Variants in GBF1 observed in about 807,000 individuals in gnomAD.
GBF1 encodes the protein golgi brefeldin A resistant guanine nucleotide exchange factor 1.
GBF1 carries 114 observed loss-of-function variants against 210.5 expected under a neutral mutation model. The observed-to-expected ratio is 0.54, with a 90% confidence interval of 0.47 to 0.63. GBF1 has a LOEUF of 0.63. Among genes scored for constraint, GBF1 ranks in the 30% least tolerant of loss-of-function variants. The pLI, the probability that GBF1 is intolerant of heterozygous loss-of-function variation, is 0.00. For missense variants in GBF1, 1,851 were observed against 2,357.7 expected, an observed-to-expected ratio of 0.79 and a Z score of 4.45; for synonymous variants, 850 against 889.2, an observed-to-expected ratio of 0.96 and a Z score of 0.78.
intron 3 of GBF1, among the ~76,000 whole-genome samples, chr10:102,307,618 A>G (rs966061214): frequency 8.5e-5 from 13 of 152,148 alleles, no homozygotes; most frequent in Admixed American, 2.0e-4. Flanking sequence ...GGGAAACCCC[A>G]TCTCTACTAA....
intron 3 of GBF1, among the ~76,000 whole-genome samples, chr10:102,314,042 T>C (rs920202980): frequency 1.3e-5 from 2 of 151,704 alleles, no homozygotes; most frequent in Non-Finnish European, 2.9e-5. Context: ...GTTCTGTGCA[T>C]GTAAAGTCAA....
At chr10:102,336,319 AAAAAAAAAGAAAG>A (rs2057737317) in intron 3 of GBF1, among the ~76,000 whole-genome samples, 1 of 149,908 alleles carries the variant, frequency 6.7e-6, no homozygotes, top group Admixed American at 6.6e-5. Flanking sequence ...AAAAAAGAAA[AAAAAAAAAGAAAG>A]AAATGAACTG....
At chr10:102,245,016 G>T (rs2070689516), upstream of GBF1, among the ~76,000 whole-genome samples, 1 of 152,126 alleles carries the variant, frequency 6.6e-6, no homozygotes, top group African/African-American at 2.4e-5. Flanking sequence ...AGGAGAGCAG[G>T]GTGTGGAATA....
Position 102,260,861 on chromosome 10 carries a change from T to C in GBF1, c.163+745T>C, listed in dbSNP as rs865891976. Among the ~76,000 whole-genome samples, 96 of 152,300 alleles carry C rather than the reference T, an allele frequency of 6.3e-4. 1 individual carries two copies. The highest frequency in any genetic ancestry group is 2.3e-3 in the African/African-American group (94 of 41,558). The stretch of plus-strand genomic sequence containing the variant: ...CAATCCTTGGTTTATTGCATTGGTT[T>C]CAGTCTTCATGATCTTTCAGTCTTC... On this transcript the variant is annotated intron_variant, in intron 3 of 39. Coordinates refer to ENST00000369983, the MANE Select transcript of GBF1 (RefSeq NM_001377137.1).
At chr10:102,301,750 G>C (rs903784642) in intron 3 of GBF1, among the ~76,000 whole-genome samples, 4 of 141,378 alleles carry the variant, frequency 2.8e-5, no homozygotes, top group African/African-American at 1.1e-4. Flanking sequence ...ACGGGATGGC[G>C]GCCGGGAAGA....
intron 3 of GBF1, among the ~76,000 whole-genome samples, chr10:102,294,386 CTTTTTTTT>C (rs56033220): frequency 7.1e-6 from 1 of 140,806 alleles, no homozygotes; most frequent in Non-Finnish European, 1.5e-5. Context: ...TTTTCTTTTT[CTTTTTTTT>C]TTTTTGAGAC....
intron 3 of GBF1, among the ~76,000 whole-genome samples, chr10:102,261,415 C>T (rs980824340): frequency 9.2e-5 from 14 of 152,044 alleles, no homozygotes; most frequent in African/African-American, 3.4e-4. Context: ...AGTGTATAAC[C>T]CTGGAATGCT....
intron 8 of GBF1, among the ~76,000 whole-genome samples, chr10:102,355,709 G>A (rs891010434): frequency 2.0e-5 from 3 of 152,220 alleles, no homozygotes; most frequent in Non-Finnish European, 4.4e-5. Context: ...GTGGAAGTAG[G>A]ACTGCCTGGA....
At chr10:102,375,302 A>G (rs2135297481) in intron 29 of GBF1, 57 bp from the exon 30 acceptor site, 1 of 983,470 alleles carries the variant, frequency 1.0e-6, no homozygotes, top group Non-Finnish European at 1.6e-6. Flanking sequence ...CTAGACAGGA[A>G]GCTGTGTGCC....
intron 3 of GBF1, among the ~76,000 whole-genome samples, chr10:102,304,003 T>G (rs2077625049): frequency 6.6e-6 from 1 of 151,960 alleles, no homozygotes; most frequent in Non-Finnish European, 1.5e-5. Context: ...TTTTTTTTAC[T>G]CCAAAGGCAT....
intron 3 of GBF1, among the ~76,000 whole-genome samples, chr10:102,290,669 C>G (rs781455928): frequency 6.6e-5 from 10 of 151,868 alleles, no homozygotes; most frequent in Non-Finnish European, 1.0e-4. Context: ...TGGCTAATTT[C>G]TATATATTAA....
chr10:102,376,452 G>A lies in GBF1; in HGVS notation c.4047+20G>A. 6.2e-7 allele frequency: 1 copy of A among 1,613,574 alleles called. No homozygotes were observed. The highest frequency in any genetic ancestry group is 8.5e-7 in the Non-Finnish European group (1 of 1,179,468). On this transcript the variant is annotated intron_variant, in intron 31 of 39. Transcript: ENST00000369983. ...TTAGTGGTGAGTGACAATATGGGCA[G>A]CAATTGAGTCTCTCCTGCTTGACCT...
rs558469822 is a variant in GBF1, at chr10:102,259,133, T to G, written c.96+99T>G. 258 of 726,768 alleles carry G rather than the reference T, an allele frequency of 3.5e-4. 2 individuals carry two copies. In the South Asian group the frequency reaches 3.7e-3, roughly 11 times the overall value. 45.0% of individuals were successfully genotyped at this position (726,768 alleles called of 1,614,324 possible). ...ATCAAATTCCTAGTAATAATGAGAA[T>G]AGTAGGAATTCAGAGTTGTTCTTGA... On this transcript the variant is annotated intron_variant, in intron 2 of 39. Transcript: ENST00000369983.
At chr10:102,286,234 TCTC>T (rs2075943298) in intron 3 of GBF1, among the ~76,000 whole-genome samples, 1 of 151,682 alleles carries the variant, frequency 6.6e-6, no homozygotes, top group Admixed American at 6.6e-5. Context: ...TTCTTTCTCT[TCTC>T]CTAATGTACT....
chr10:102,345,520 G>A (rs1027208374), intron 4 of GBF1, among the ~76,000 whole-genome samples: 6 of 147,716 alleles, frequency 4.1e-5, no homozygotes, highest in African/African-American at 1.5e-4. Flanking sequence ...GGTGGTACGT[G>A]CCTGTAATCC....
In GBF1 at chr10:102,369,238, G is replaced by T; in HGVS notation, c.3001G>T (p.Gly1001Ter). 1.2e-6 allele frequency: 2 copies of T among 1,613,666 alleles called. No homozygotes were observed. Among genetic ancestry groups the T allele is most frequent in the Non-Finnish European group, 1.7e-6 (2 of 1,179,568 alleles). Reference sequence around the variant, plus strand: ...TATTGAGAACCTGCCCAGTGTATTTGGAAGCAACCCTAAAGCCCATATTGC... The same window carrying T: ...TATTGAGAACCTGCCCAGTGTATTTTGAAGCAACCCTAAAGCCCATATTGC... ...ESIENLPSVF[G>*]SNPKAHIAAK... Residue 1001 changes from glycine to a stop codon, truncating the protein, a stop_gained, in exon 24 of 40, where the codon GGA becomes TGA. Transcript: ENST00000369983. LOFTEE classifies it high-confidence loss of function.
Position 102,293,764 on chromosome 10 carries a change from G to GTTTTTTTTTTTTTTTTTTTTTTTTTTT in GBF1, c.163+33652_163+33653insTTTTTTTTTTTTTTTTTTTTTTTTTTT, listed in dbSNP as rs1263151407. ...AAAATATTTTGTACAGCTGTAGTAT[G>GTTTTTTTTTTTTTTTTTTTTTTTTTTT]TTTTGTGTTTTTTTTTTTTTTTTTT... On this transcript the variant is annotated intron_variant, in intron 3 of 39. Coordinates refer to ENST00000369983, the MANE Select transcript of GBF1 (RefSeq NM_001377137.1). Among the ~76,000 whole-genome samples the GTTTTTTTTTTTTTTTTTTTTTTTTTTT allele has an allele frequency of 7.7e-4, 39 of 50,896 alleles. 15 individuals carry two copies. The highest frequency in any genetic ancestry group is 1.4e-3 in the East Asian group (3 of 2,072). The allele number at this position is 50,896 out of a possible 152,430, so 33.4% of individuals were successfully genotyped here.
At chr10:102,232,647 A>T in the GBF1 span, among the ~76,000 whole-genome samples, 2 of 152,308 alleles carry the variant, frequency 1.3e-5, no homozygotes, top group East Asian at 1.9e-4. Context: ...GTGCTACTGC[A>T]CTCCAGCCTG....
At chr10:102,230,660 C>T in the GBF1 span, 1 of 1,597,316 alleles carries the variant, frequency 6.3e-7, no homozygotes, top group Non-Finnish European at 8.5e-7. Context: ...TCCCGATAGA[C>T]GTAGGGGGAA....
Sources: allele counts gnomAD v4.1 joint callset (sites outside exome capture counted in the v4.1 genomes callset), GRCh38; gene constraint gnomAD v4.1.1; transcripts MANE v1.5; gene names NCBI Gene and HGNC (gene_info 2026-07-23, HGNC 2026-07-21).